The following PIWIL3 variants were observed in gnomAD, a reference collection of about 807,000 sequenced individuals.
PIWIL3 encodes piwi-like protein 3.
A neutral mutation model predicts 109.7 loss-of-function variants in PIWIL3; 101 were observed. That is an observed-to-expected ratio of 0.92 (90% CI 0.78 to 1.09). The LOEUF is 1.09. Ranked by LOEUF, PIWIL3 falls within the 50% of genes least tolerant of loss-of-function variation. The probability of loss-of-function intolerance (pLI) is 0.00; values close to 1 mark genes in which losing one functional copy is unlikely to be tolerated. For synonymous variants in PIWIL3, 373 were observed against 376.4 expected (o/e 0.99, Z 0.10); for missense variants, 1,031 against 1,072.6 (o/e 0.96, Z 0.54).
At position 24,751,471 on chromosome 22, in the gene PIWIL3, A is replaced by G; in HGVS notation, c.1005T>C (p.Asp335=). Residue 335 remains aspartate, a synonymous_variant, in exon 9 of 21, where the codon GAT becomes GAC. Coordinates refer to ENST00000616349, the MANE Select transcript of PIWIL3 (RefSeq NM_001255975.1). The part of the protein sequence containing the change: ...TKYNNKTYRV[D]DIDWKQNPED... ...CAGGATTCTGCTTCCAATCAATATC[A>G]TCTACTCTGTAGGTTTTGTTGTTGT... is the stretch of plus-strand genomic sequence containing the variant. 6.2e-7 allele frequency: 1 copy of G among 1,612,430 alleles called. No individual in the cohort carries two copies. The highest frequency in any genetic ancestry group is 1.3e-5 in the African/African-American group (1 of 74,916).
intron 1 of PIWIL3, among the ~76,000 whole-genome samples, chr22:24,773,024 C>T (rs1926214309): frequency 6.6e-6 from 1 of 152,172 alleles, no homozygotes; most frequent in Admixed American, 6.5e-5. Context: ...CTCCACGTGT[C>T]TGTGTCCAGC....
At position 24,728,357 on chromosome 22, in the gene PIWIL3, G is replaced by T; in HGVS notation, c.1725C>A (p.Pro575=). The T allele has an allele frequency of 6.2e-7, 1 of 1,614,030 alleles. No homozygotes were observed. Among genetic ancestry groups the T allele is most frequent in the Non-Finnish European group, 8.5e-7 (1 of 1,179,998 alleles). Residue 575 remains proline (P), a synonymous_variant, in exon 15 of 21, where the codon CCC becomes CCA. Coordinates refer to ENST00000616349, the MANE Select transcript of PIWIL3 (RefSeq NM_001255975.1). ...PTLQMVICIL[P]NDDKRRYDSI... is the part of the protein sequence containing the mutation. ...TGTCATATCTACGTTTGTCATCATTGGGCAGGATACAAATCACCTTGAAAA... is the reference window on the plus strand; with the variant it reads ...TGTCATATCTACGTTTGTCATCATTTGGCAGGATACAAATCACCTTGAAAA...
intron 1 of PIWIL3, among the ~76,000 whole-genome samples, chr22:24,772,916 A>G (rs1367138591): frequency 6.6e-6 from 1 of 152,092 alleles, no homozygotes; most frequent in African/African-American, 2.4e-5. Context: ...TCAAGCCCCC[A>G]TGTGCTAGCT....
At chr22:24,727,865 A>G in intron 16 of PIWIL3, 85 bp downstream of exon 16, 4 of 1,091,906 alleles carry the variant, frequency 3.7e-6, no homozygotes, top group Non-Finnish European at 5.3e-6. Context: ...CAACCTCTTG[A>G]GTTAACACAT....
intron 12 of PIWIL3, 74 bp from the exon 13 acceptor site, chr22:24,735,966 A>C: frequency 8.2e-7 from 1 of 1,223,222 alleles, no homozygotes; most frequent in Non-Finnish European, 1.1e-6. Flanking sequence ...TGTACGCTGT[A>C]AATCCGTGCT....
At chr22:24,744,313 C>T (rs905062854) in intron 12 of PIWIL3, among the ~76,000 whole-genome samples, 2 of 151,814 alleles carry the variant, frequency 1.3e-5, no homozygotes, top group African/African-American at 4.8e-5. Flanking sequence ...TGGCTCATGC[C>T]TGTAATCCCA....
At chr22:24,758,482 C>T (rs1028053337) in intron 3 of PIWIL3, among the ~76,000 whole-genome samples, 1 of 152,208 alleles carries the variant, frequency 6.6e-6, no homozygotes, top group Admixed American at 6.5e-5. Context: ...GGATCACACT[C>T]ACTATTTCAA....
intron 12 of PIWIL3, among the ~76,000 whole-genome samples, chr22:24,738,135 A>G (rs1384155710): frequency 2.0e-4 from 31 of 152,224 alleles, no homozygotes; most frequent in Admixed American, 2.0e-3. Flanking sequence ...TAGGCGACAG[A>G]GCAAGACTGT....
At chr22:24,729,683 T>C (rs1005619842) in intron 14 of PIWIL3, among the ~76,000 whole-genome samples, 8 of 152,248 alleles carry the variant, frequency 5.3e-5, no homozygotes, top group African/African-American at 1.9e-4. Context: ...ACATCTTTTA[T>C]CAGATTAAGG....
chr22:24,758,560 C>T (rs1277767410), intron 3 of PIWIL3, among the ~76,000 whole-genome samples: 5 of 152,174 alleles, frequency 3.3e-5, no homozygotes, highest in South Asian at 2.1e-4. Context: ...CAGCACAATG[C>T]GGTCTTTCAG....
rs939581178 is a variant in PIWIL3, at chr22:24,725,526, A to G, written c.2010-11T>C. ...CATTGAGAGTACCACCTGTTCACAG[A>G]AAAACCACCAGTTTGGAAAACAAGA... On this transcript the variant is annotated splice_polypyrimidine_tract_variant and intron_variant, in intron 16 of 20. Transcript: ENST00000616349. 6.2e-7 allele frequency: 1 copy of G among 1,613,586 alleles called. No individual in the cohort carries two copies. The highest frequency in any genetic ancestry group is 1.3e-5 in the African/African-American group (1 of 74,954).
intron 18 of PIWIL3, among the ~76,000 whole-genome samples, chr22:24,723,831 C>T (rs900743414): frequency 1.3e-5 from 2 of 152,102 alleles, no homozygotes; most frequent in Non-Finnish European, 2.9e-5. Context: ...TGCACCACCA[C>T]GCCTGGCTAA....
In PIWIL3 at chr22:24,755,796, A is replaced by G. The variant is rs1224534501; in HGVS notation, c.680T>C (p.Ile227Thr). The change falls in exon 6 of 21, where the codon ATT becomes ACT. Residue 227 changes from isoleucine to threonine, a missense_variant. Physicochemically the swap from Ile to Thr is moderately conservative, Grantham distance 89 (BLOSUM62 -1). Transcript: ENST00000616349. ...TSPDCLRYYN[I>T]LFRRTFKLLD... is the part of the protein sequence containing the mutation. The stretch of plus-strand genomic sequence containing the variant: ...CCCGGTAACATACCTTCTAAAGAGA[A>G]TGTTGTAATAGCGTAGGCAATCTGG... The G allele has an allele frequency of 6.2e-7, 1 of 1,613,948 alleles. No individual in the cohort carries two copies. Among genetic ancestry groups the G allele is most frequent in the Non-Finnish European group, 8.5e-7 (1 of 1,179,960 alleles).
intron 1 of PIWIL3, among the ~76,000 whole-genome samples, chr22:24,765,200 T>C (rs937003712): frequency 2.0e-5 from 3 of 152,242 alleles, no homozygotes; most frequent in Non-Finnish European, 4.4e-5. Flanking sequence ...TTCTCTTAGC[T>C]ACTGTATGAA....
intron 1 of PIWIL3, among the ~76,000 whole-genome samples, chr22:24,764,898 G>A (rs751461321): frequency 4.6e-5 from 7 of 152,152 alleles, no homozygotes; most frequent in Non-Finnish European, 8.8e-5. Flanking sequence ...AAGGAACAGT[G>A]TGGTTTGGGA....
intron 2 of PIWIL3, chr22:24,761,907 G>C: frequency 1.0e-6 from 1 of 956,458 alleles, no homozygotes; most frequent in Non-Finnish European, 1.2e-6. Flanking sequence ...CTTCCATGCA[G>C]TATATGGTCC....
chr22:24,754,966 T>C, intron 6 of PIWIL3, 102 bp from the exon 7 acceptor site: 1 of 887,710 alleles, frequency 1.1e-6, no homozygotes, highest in South Asian at 1.4e-5. Context: ...ACTGTTTATA[T>C]TATCAATGAA....
In PIWIL3 at chr22:24,735,548, A is replaced by G. The variant is rs771971940; in HGVS notation, c.1634+160T>C. ...ATGTATCTTAATAGCCGTAAACCAT[A>G]TATCACAAAGTCTGTTTTAATATTT... On this transcript the variant is annotated intron_variant, in intron 13 of 20. Transcript: ENST00000616349. Among the ~76,000 whole-genome samples, 8 of 152,228 alleles carry G rather than the reference A, an allele frequency of 5.3e-5. 1 individual carries two copies. Among genetic ancestry groups the G allele is most frequent in the Admixed American group, 3.9e-4 (6 of 15,290 alleles).
intron 12 of PIWIL3, among the ~76,000 whole-genome samples, chr22:24,747,659 T>C (rs574107526): frequency 1.4e-4 from 22 of 152,210 alleles, no homozygotes; most frequent in African/African-American, 5.1e-4. Flanking sequence ...TCTGAAGACA[T>C]ACAAATAGCA....
Sources: allele counts gnomAD v4.1 joint callset (sites outside exome capture counted in the v4.1 genomes callset), GRCh38; gene constraint gnomAD v4.1.1; transcripts MANE v1.5; gene names NCBI Gene and HGNC (gene_info 2026-07-23, HGNC 2026-07-21).